The following GTPBP1 variants were observed in gnomAD, a reference collection of about 807,000 sequenced individuals.
GTPBP1 encodes GTP binding protein 1, also known as GTP-binding protein 1.
In GTPBP1, 23 loss-of-function variants were observed where a neutral mutation model predicts 62.0. The ratio of observed to expected loss-of-function variants is 0.37; its 90% CI spans 0.27 to 0.53. The LOEUF is 0.53. GTPBP1 is among the 20% of genes least tolerant of loss of function. The probability of loss-of-function intolerance (pLI) is 0.89; values close to 1 mark genes in which losing one functional copy is unlikely to be tolerated. For missense variants in GTPBP1, 640 were observed against 917.3 expected (o/e 0.70, Z 3.90); for synonymous variants, 344 against 364.4 (o/e 0.94, Z 0.64).
At position 38,730,482 on chromosome 22, in the gene GTPBP1, A is replaced by G. The variant is rs1279855611; in HGVS notation, c.1918-130A>G. On this transcript the variant is annotated intron_variant, in intron 11 of 11. Coordinates refer to ENST00000216044, the MANE Select transcript of GTPBP1 (RefSeq NM_004286.5). This position sits in a 1 kb window ranked among gnomAD's most constrained non-coding sequence, Gnocchi z 5.6. ...AGAGTGACCCAGTAAATTCCTGGTC[A>G]GGCTAGGGTGAGGACCACGCAGCCT... 7 of 647,628 alleles carry G rather than the reference A, an allele frequency of 1.1e-5. No homozygotes were observed. The highest frequency in any genetic ancestry group is 1.9e-5 in the Non-Finnish European group (7 of 363,786). 40.1% of individuals were successfully genotyped at this position (647,628 alleles called of 1,614,324 possible). A position where few individuals can be genotyped will look rare whatever the true frequency, so the allele number is the denominator to read the frequency against.
chr22:38,737,279 C>T (rs1406717644), downstream of GTPBP1, among the ~76,000 whole-genome samples: 1 of 152,244 alleles, frequency 6.6e-6, no homozygotes, highest in South Asian at 2.1e-4. The surrounding 1 kb of genome is among the most constrained non-coding windows in gnomAD (Gnocchi z 4.1). Context: ...TCAGACTCAG[C>T]CAGACCTGCC....
At chr22:38,741,385 C>A, downstream of GTPBP1, 3 of 1,143,376 alleles carry the variant, frequency 2.6e-6, no homozygotes, top group East Asian at 2.4e-5. Flanking sequence ...ACTCCCCTCC[C>A]CATGCAACAC....
Position 38,726,464 on chromosome 22 carries a change from C to T in GTPBP1, c.1401+24C>T. The T allele has an allele frequency of 1.3e-6, 2 of 1,598,636 alleles. No individual in the cohort carries two copies. Among genetic ancestry groups the T allele is most frequent in the Non-Finnish European group, 1.7e-6 (2 of 1,168,376 alleles). Reference sequence around the variant, plus strand: ...AGGTGAGTAGCGATGATACTGAACGCTCCCCTCAGACTCCATCATGCTAGG... The same window carrying T: ...AGGTGAGTAGCGATGATACTGAACGTTCCCCTCAGACTCCATCATGCTAGG... On this transcript the variant is annotated intron_variant, in intron 8 of 11. Transcript: ENST00000216044. This position sits in a 1 kb window ranked among gnomAD's most constrained non-coding sequence, Gnocchi z 4.1.
In GTPBP1 at chr22:38,705,974, C is replaced by A. The variant is rs748996917; in HGVS notation, c.19C>A (p.Arg7Ser). 3.5e-6 allele frequency: 5 copies of A among 1,446,822 alleles called. No individual in the cohort carries two copies. The highest frequency in any genetic ancestry group is 2.6e-5 in the South Asian group (2 of 76,342). The allele number at this position is 1,446,822 out of a possible 1,614,324, so 89.6% of individuals were successfully genotyped here. The change falls in exon 1 of 12, where the codon CGC (arginine) becomes AGC (serine). Residue 7 changes from arginine to serine, a missense_variant. Arg to Ser is a moderately radical substitution (Grantham distance 110). Transcript: ENST00000216044. MATERSRSAMDSPVPAS... is the reference protein window; with the variant it reads MATERSSSAMDSPVPAS... ...ATTAAAGATGGCGACGGAGCGCAGT[C>A]GCTCCGCGATGGACTCGCCGGTCCC... is the stretch of plus-strand genomic sequence containing the variant.
chr22:38,725,928 C>T, intron 6 of GTPBP1, 78 bp from the exon 7 acceptor site: 1 of 1,383,328 alleles, frequency 7.2e-7, no homozygotes, highest in Middle Eastern at 1.8e-4. Flanking sequence ...CTGTTGCTGC[C>T]CCTGGTCTGT....
At chr22:38,714,187 A>G (rs2092655897) in intron 2 of GTPBP1, among the ~76,000 whole-genome samples, 1 of 152,224 alleles carries the variant, frequency 6.6e-6, no homozygotes, top group South Asian at 2.1e-4. Context: ...TTAGAAGGCC[A>G]CTGGTGGGCC....
chr22:38,740,123 C>T (rs909288434), downstream of GTPBP1: 29 of 1,253,234 alleles, frequency 2.3e-5, no homozygotes, highest in African/African-American at 4.1e-4. The surrounding 1 kb of genome is among the most constrained non-coding windows in gnomAD (Gnocchi z 4.8). Flanking sequence ...TCAGTGAGAG[C>T]CCACATGTGT....
At chr22:38,723,085 A>C in intron 5 of GTPBP1, 1 of 770,100 alleles carries the variant, frequency 1.3e-6, no homozygotes, top group Non-Finnish European at 2.4e-6. Flanking sequence ...TTATCCAGGC[A>C]AGATGACTAA....
intron 2 of GTPBP1, among the ~76,000 whole-genome samples, chr22:38,713,951 C>T (rs2092654328): frequency 6.6e-6 from 1 of 151,898 alleles, no homozygotes; most frequent in African/African-American, 2.4e-5. Context: ...AGCCATAGAA[C>T]AAGATGGCCA....
chr22:38,738,528 G>T (rs757674816), downstream of GTPBP1: 22 of 1,578,416 alleles, frequency 1.4e-5, no homozygotes, highest in Non-Finnish European at 2.6e-6. The surrounding 1 kb of genome is among the most constrained non-coding windows in gnomAD (Gnocchi z 6.6). Flanking sequence ...ATCCTCAGTA[G>T]AGAGGCCCAC....
chr22:38,716,576 AC>A lies in GTPBP1; in HGVS notation c.486-75del. On this transcript the variant is annotated intron_variant, in intron 3 of 11. Transcript: ENST00000216044. This position sits in a 1 kb window ranked among gnomAD's most constrained non-coding sequence, Gnocchi z 5.2. ...CAAGCCTGGACTTGCGGATCCAATT[AC>A]TGGGGTTATGATGGTCGCTCCACCT... 9.3e-7 allele frequency: 1 copy of A among 1,070,462 alleles called. No individual in the cohort carries two copies. The highest frequency in any genetic ancestry group is 1.4e-6 in the Non-Finnish European group (1 of 722,124). The allele number at this position is 1,070,462 out of a possible 1,614,324, so 66.3% of individuals were successfully genotyped here.
Position 38,724,320 on chromosome 22 carries a change from C to T in GTPBP1, c.982C>T (p.Leu328=). ...LQETLKLLQR[L]LKSPGCRKIP... ...AGAAACCCTGAAGCTGTTACAGCGC[C>T]TGCTGAAGTCACCAGGCTGCCGGAA... Residue 328 remains leucine, a synonymous_variant, in exon 6 of 12, where the codon CTG becomes TTG. Transcript: ENST00000216044. 1 of 1,612,376 alleles carries T rather than the reference C, an allele frequency of 6.2e-7. No individual in the cohort carries two copies. The highest frequency in any genetic ancestry group is 8.5e-7 in the Non-Finnish European group (1 of 1,178,394).
chr22:38,725,392 C>T (rs1248043147), intron 6 of GTPBP1: 1 of 152,706 alleles, frequency 6.5e-6, no homozygotes, highest in African/African-American at 2.4e-5. Context: ...GAGTGTCCAC[C>T]CAGGAAGGAT....
chr22:38,723,512 G>T, intron 5 of GTPBP1: 1 of 678,128 alleles, frequency 1.5e-6, no homozygotes, highest in Non-Finnish European at 2.6e-6. Context: ...CATCTTCAGT[G>T]CACGCGGGCG....
downstream of GTPBP1, chr22:38,740,524 C>A: frequency 7.4e-7 from 1 of 1,350,268 alleles, no homozygotes; most frequent in Non-Finnish European, 9.7e-7. The surrounding 1 kb of genome is among the most constrained non-coding windows in gnomAD (Gnocchi z 4.8). Flanking sequence ...AGTGGGCTCC[C>A]GTCAGGAGAG....
chr22:38,717,136 G>T, intron 4 of GTPBP1, 136 bp downstream of exon 4: 1 of 614,734 alleles, frequency 1.6e-6, no homozygotes, highest in Non-Finnish European at 2.9e-6. Flanking sequence ...GGCGAGTTTT[G>T]CAGGGGTGCC....
Position 38,716,182 on chromosome 22 carries a change from C to G in GTPBP1, c.485+95C>G. On this transcript the variant is annotated intron_variant, in intron 3 of 11. Coordinates refer to ENST00000216044, the MANE Select transcript of GTPBP1 (RefSeq NM_004286.5). This position sits in a 1 kb window ranked among gnomAD's most constrained non-coding sequence, Gnocchi z 5.2. Reference sequence around the variant, plus strand: ...TGGCGTGTCAGCTCCATCCTTTCCCCTCCTGAGGCGGGGAAAGAGTGTCCA... The same window carrying G: ...TGGCGTGTCAGCTCCATCCTTTCCCGTCCTGAGGCGGGGAAAGAGTGTCCA... The G allele has an allele frequency of 9.8e-7, 1 of 1,019,306 alleles. No individual in the cohort carries two copies. Among genetic ancestry groups the G allele is most frequent in the East Asian group, 2.6e-5 (1 of 38,306 alleles). 63.1% of individuals were successfully genotyped at this position (1,019,306 alleles called of 1,614,324 possible). A position where few individuals can be genotyped will look rare whatever the true frequency, so the allele number is the denominator to read the frequency against.
At position 38,706,043 on chromosome 22, in the gene GTPBP1, A is replaced by G. The variant is rs955471735; in HGVS notation, c.88A>G (p.Arg30Gly). 1.6e-5 allele frequency: 22 copies of G among 1,335,668 alleles called. No individual in the cohort carries two copies. Among genetic ancestry groups the G allele is most frequent in the Non-Finnish European group, 1.9e-5 (20 of 1,032,894 alleles). 82.7% of individuals were successfully genotyped at this position (1,335,668 alleles called of 1,614,324 possible). A position where few individuals can be genotyped will look rare whatever the true frequency, so the allele number is the denominator to read the frequency against. The change falls in exon 1 of 12, where the codon AGG becomes GGG. Residue 30 changes from arginine to glycine, a missense_variant. Coordinates refer to ENST00000216044, the MANE Select transcript of GTPBP1 (RefSeq NM_004286.5). ...CGAGCCCAGCTCCCCGGGGGCGGCC[A>G]GGGCCGCGGCGGCCGCCGCCCGACT... Reference protein sequence around the residue: ...APEPSSPGAARAAAAAARLHG... With the variant: ...APEPSSPGAAGAAAAAARLHG...
In GTPBP1 at chr22:38,726,166, C is replaced by A. The variant is rs373482700; in HGVS notation, c.1218+16C>A. 8.7e-6 allele frequency: 14 copies of A among 1,608,892 alleles called. No individual in the cohort carries two copies. Among genetic ancestry groups the A allele is most frequent in the African/African-American group, 1.3e-5 (1 of 74,772 alleles). On this transcript the variant is annotated intron_variant, in intron 7 of 11. Transcript: ENST00000216044. The surrounding 1 kb of genome is among the most constrained non-coding windows in gnomAD (Gnocchi z 4.1). ...CTCCGTCCCGGTAAGTGGCTCTGGG[C>A]GGGTAGCTGGGTGGGCACTTCCTAC...
Sources: allele counts gnomAD v4.1 joint callset (sites outside exome capture counted in the v4.1 genomes callset), GRCh38; gene constraint gnomAD v4.1.1; non-coding constraint Gnocchi (gnomAD v3.1); transcripts MANE v1.5; gene names NCBI Gene and HGNC (gene_info 2026-07-23, HGNC 2026-07-21).